Variants in TPSG1 observed in about 807,000 individuals in gnomAD.
TPSG1 encodes the protein tryptase gamma 1.
A neutral mutation model predicts 23.8 loss-of-function variants in TPSG1; 43 were observed. That is an observed-to-expected ratio of 1.81 (90% CI 1.42 to 2.33). TPSG1 has a LOEUF of 2.33. TPSG1 is among the 30% of genes most tolerant of loss of function. The probability of loss-of-function intolerance (pLI) is 0.00; values close to 1 mark genes in which losing one functional copy is unlikely to be tolerated. For synonymous variants in TPSG1, 302 were observed against 201.3 expected, an observed-to-expected ratio of 1.50 and a Z score of -4.23; for missense variants, 623 against 438.6, an observed-to-expected ratio of 1.42 and a Z score of -3.75.
chr16:1,223,903 G>GAT (rs1723924541), intron 2 of TPSG1: 2 of 426,578 alleles, frequency 4.7e-6, no homozygotes, highest in Admixed American at 4.5e-5. Flanking sequence ...CAGAACGGTG[G>GAT]AGCCCCCGAG....
Position 1,222,786 on chromosome 16 carries a change from A to G in TPSG1, c.377T>C (p.Ile126Thr), listed in dbSNP as rs1970559291. The G allele has an allele frequency of 2.5e-6, 4 of 1,612,290 alleles. No homozygotes were observed. Among genetic ancestry groups the G allele is most frequent in the African/African-American group, 1.3e-5 (1 of 75,002 alleles). The stretch of plus-strand genomic sequence containing the variant: ...GGGGACACTGAGCTCCACCAGGGCG[A>G]TGTCCCCGCTGGTCCCCGGCTGTCC... Reference protein sequence around the residue: ...PSGQPGTSGDIALVELSVPVT... With the variant: ...PSGQPGTSGDTALVELSVPVT... The change falls in exon 4 of 6, where the codon ATC becomes ACC. Residue 126 changes from isoleucine to threonine, a missense_variant. By Grantham distance (89) the Ile-to-Thr change is moderately conservative. Coordinates refer to ENST00000234798, the MANE Select transcript of TPSG1 (RefSeq NM_012467.4).
At position 1,221,857 on chromosome 16, in the gene TPSG1, GGA is replaced by G; in HGVS notation, c.895_896del (p.Ser299LeufsTer22). On this transcript the variant is annotated frameshift_variant, in exon 6 of 6. Transcript: ENST00000234798. LOFTEE classifies it low-confidence loss of function (END_TRUNC). Reference protein sequence around the residue: ...FLPGLFLLLVSCVLLAKCLLH... With the variant: ...FLPGLFLLLVXCVLLAKCLLH... ...GCAGGCACTTGGCCAGCAGGACACA[GGA>G]GACTAGCAGAAGGAAGAGGCCGGGG... 6.2e-7 allele frequency: 1 copy of G among 1,612,026 alleles called. No homozygotes were observed. Among genetic ancestry groups the G allele is most frequent in the Admixed American group, 1.7e-5 (1 of 59,950 alleles).
rs528017736 is a variant in TPSG1, at chr16:1,224,534, T to A, written c.73+68A>T. 5.2e-5 allele frequency: 83 copies of A among 1,600,720 alleles called. 1 individual carries two copies. The Admixed American group carries it at 6.1e-4, about 12-fold the overall frequency. On this transcript the variant is annotated intron_variant, in intron 2 of 5. Coordinates refer to ENST00000234798, the MANE Select transcript of TPSG1 (RefSeq NM_012467.4). ...ATTGGGACCCCAGGGAAGGAGAGGGTCACCGAGGCCCTCCTGCCAGGCCTT... is the reference window on the plus strand; with the variant it reads ...ATTGGGACCCCAGGGAAGGAGAGGGACACCGAGGCCCTCCTGCCAGGCCTT...
intron 2 of TPSG1, 137 bp downstream of exon 2, chr16:1,224,465 C>T (rs889284770): frequency 8.0e-6 from 9 of 1,128,808 alleles, no homozygotes; most frequent in African/African-American, 7.8e-5. Context: ...CCGAGAGATG[C>T]GAGCAGAAAC....
intron 1 of TPSG1, among the ~76,000 whole-genome samples, 181 bp downstream of exon 1, chr16:1,225,026 C>T (rs2030072352): frequency 6.6e-6 from 1 of 152,206 alleles, no homozygotes; most frequent in Non-Finnish European, 1.5e-5. Context: ...TGCCTCTCCC[C>T]AGCACGGACA....
chr16:1,223,450 AC>A lies in TPSG1; in HGVS notation c.217del (p.Val73CysfsTer12). The stretch of plus-strand genomic sequence containing the variant: ...GGAGAAGCAGTGGGCAGCTGTGAGC[AC>A]CCACTGGGGGCTGAGCAGTGACCCG... Reference protein sequence around the residue: ...CGGSLLSPQWVLTAAHCFSGS... With the variant: ...CGGSLLSPQWXLTAAHCFSGS... On this transcript the variant is annotated frameshift_variant, in exon 3 of 6. Coordinates refer to ENST00000234798, the MANE Select transcript of TPSG1 (RefSeq NM_012467.4). LOFTEE classifies it high-confidence loss of function. 6.3e-7 allele frequency: 1 copy of A among 1,586,464 alleles called. No homozygotes were observed. Among genetic ancestry groups the A allele is most frequent in the Non-Finnish European group, 8.6e-7 (1 of 1,168,600 alleles).
At chr16:1,222,377 G>A (rs1205609907) in intron 4 of TPSG1, 36 bp from the exon 5 acceptor site, 3 of 1,547,372 alleles carry the variant, frequency 1.9e-6, no homozygotes, top group East Asian at 4.5e-5. Context: ...AGAAGGTTGG[G>A]GCACCAGGCC....
chr16:1,223,750 G>A (rs1351869983), intron 2 of TPSG1, 156 bp from the exon 3 acceptor site: 4 of 899,090 alleles, frequency 4.4e-6, no homozygotes, highest in Non-Finnish European at 6.5e-6. Context: ...CATCGTGGGT[G>A]CAGCAGAAAT....
At position 1,224,506 on chromosome 16, in the gene TPSG1, C is replaced by T. The variant is rs1448570755; in HGVS notation, c.73+96G>A. Reference sequence around the variant, plus strand: ...CGACAAACTATGACCTCCCCGGGCCCCCATTGGGACCCCAGGGAAGGAGAG... The same window carrying T: ...CGACAAACTATGACCTCCCCGGGCCTCCATTGGGACCCCAGGGAAGGAGAG... On this transcript the variant is annotated intron_variant, in intron 2 of 5. Coordinates refer to ENST00000234798, the MANE Select transcript of TPSG1 (RefSeq NM_012467.4). 3.9e-6 allele frequency: 6 copies of T among 1,528,908 alleles called. No individual in the cohort carries two copies. The Admixed American group carries it at 8.9e-5, about 23-fold the overall frequency. 94.7% of individuals were successfully genotyped at this position (1,528,908 alleles called of 1,614,324 possible). A position where few individuals can be genotyped will look rare whatever the true frequency, so the allele number is the denominator to read the frequency against.
At chr16:1,224,318 G>A (rs115277643) in intron 2 of TPSG1, among the ~76,000 whole-genome samples, 246 of 152,248 alleles carry the variant, frequency 1.6e-3, no homozygotes, top group Admixed American at 3.1e-3. Context: ...CCAGGGCCAC[G>A]GTGGGGACGC....
At chr16:1,223,851 T>A in intron 2 of TPSG1, 1 of 512,492 alleles carries the variant, frequency 2.0e-6, no homozygotes, top group Non-Finnish European at 3.4e-6. Context: ...CCGGAGGCGG[T>A]GGAAAGGCTG....
In TPSG1 at chr16:1,225,254, G is replaced by C. The variant is rs762952953; in HGVS notation, c.-2C>G. 5.7e-6 allele frequency: 9 copies of C among 1,570,092 alleles called. 1 individual carries two copies. In the South Asian group the frequency reaches 9.4e-5, roughly 16 times the overall value. ...GAGGCCACAGGCCCCAAGGGCCATG[G>C]TGTCTGCCCACTGTAGGGAGAAGGA... is the stretch of plus-strand genomic sequence containing the variant. On this transcript the variant is annotated 5_prime_UTR_variant, in exon 1 of 6. Transcript: ENST00000234798.
Position 1,222,046 on chromosome 16 carries a change from C to T in TPSG1, c.708G>A (p.Gln236=). The change falls in exon 6 of 6, where the codon CAG becomes CAA. Residue 236 remains glutamine, a synonymous_variant. Coordinates refer to ENST00000234798, the MANE Select transcript of TPSG1 (RefSeq NM_012467.4). The part of the protein sequence containing the change: ...LVCQVNGAWV[Q]AGTVSWGEGC... ...CCTCACCCCAGCTCACAGTGCCAGC[C>T]TGCACCCAGGCACCGTTCACCTGGC... The T allele has an allele frequency of 1.2e-6, 2 of 1,612,806 alleles. No homozygotes were observed. The highest frequency in any genetic ancestry group is 3.3e-5 in the Admixed American group (2 of 60,022).
chr16:1,223,754 C>T (rs886662370), intron 2 of TPSG1, 160 bp from the exon 3 acceptor site: 3 of 858,018 alleles, frequency 3.5e-6, no homozygotes, highest in South Asian at 1.8e-5. Flanking sequence ...GTGGGTGCAG[C>T]AGAAATGACG....
chr16:1,223,933 G>T (rs1027642537), intron 2 of TPSG1: 3 of 339,378 alleles, frequency 8.8e-6, no homozygotes, highest in African/African-American at 2.2e-5. Context: ...GGTGCTGGGG[G>T]TGGCTGCCTA....
rs117001332 is a variant in TPSG1 at position 1,221,910 on chromosome 16, G to T, written c.844C>A (p.Leu282Ile). The change falls in exon 6 of 6, where the codon CTC becomes ATC. Residue 282 changes from leucine (L) to isoleucine (I), a missense_variant. Leu to Ile is a conservative substitution (Grantham distance 5, BLOSUM62 2). Coordinates refer to ENST00000234798, the MANE Select transcript of TPSG1 (RefSeq NM_012467.4). The stretch of plus-strand genomic sequence containing the variant: ...AGGAAGAAGCCAGCCAGGAGGGGGA[G>T]CCTGGGGTACCCAGACTCTGAGCCC... ...SGGSESGYPR[L>I]PLLAGFFLPG... is the part of the protein sequence containing the mutation. 4.1e-3 allele frequency: 6,609 copies of T among 1,611,486 alleles called. 19 individuals are homozygous for T. The highest frequency in any genetic ancestry group is 5.2e-3 in the Non-Finnish European group (6,145 of 1,179,200).
chr16:1,222,178 A>G lies in TPSG1; in HGVS notation c.657+18T>C. 3 of 1,611,486 alleles carry G rather than the reference A, an allele frequency of 1.9e-6. No homozygotes were observed. The highest frequency in any genetic ancestry group is 1.7e-4 in the Middle Eastern group (1 of 6,038). On this transcript the variant is annotated intron_variant, in intron 5 of 5. Coordinates refer to ENST00000234798, the MANE Select transcript of TPSG1 (RefSeq NM_012467.4). ...GCTTCAGCCGCCCCCATCCTCTGTC[A>G]CGGCCTGGCAGGCTCACCTGGCAGG...
intron 1 of TPSG1, 93 bp from the exon 2 acceptor site, chr16:1,224,721 C>A: frequency 6.5e-7 from 1 of 1,544,474 alleles, no homozygotes; most frequent in East Asian, 2.3e-5. Flanking sequence ...CAGGGCGGCA[C>A]TGGGGTGGGG....
chr16:1,222,268 GT>G lies in TPSG1; in HGVS notation c.584del (p.Asp195AlafsTer36). 1 of 1,612,058 alleles carries G rather than the reference GT, an allele frequency of 6.2e-7. No homozygotes were observed. Among genetic ancestry groups the G allele is most frequent in the Non-Finnish European group, 8.5e-7 (1 of 1,179,724 alleles). On this transcript the variant is annotated frameshift_variant, in exon 5 of 6. Coordinates refer to ENST00000234798, the MANE Select transcript of TPSG1 (RefSeq NM_012467.4). LOFTEE classifies it high-confidence loss of function. ...SVVDTETCRR[D>X]YPGPGGSILQ... is the part of the protein sequence containing the mutation. ...GGATGCTGCCCCCGGGGCCGGGATA[GT>G]CCCGGCGGCAGGTCTCTGTGTCCAC...
Sources: gnomAD v4.1 joint callset for allele counts (sites outside exome capture counted in the v4.1 genomes callset) on GRCh38, gnomAD v4.1.1 for gene constraint, MANE v1.5 for transcripts, NCBI Gene and HGNC (gene_info 2026-07-23, HGNC 2026-07-21) for gene names.